The following SPOCK3 variants were observed in gnomAD, a reference collection of about 807,000 sequenced individuals.
The protein encoded by SPOCK3 is SPARC (osteonectin), cwcv and kazal like domains proteoglycan 3.
Under a neutral mutation model 56.6 loss-of-function variants are expected in SPOCK3, and 30 were observed. The observed-to-expected ratio is 0.53, with a 90% confidence interval of 0.40 to 0.72. SPOCK3 has a LOEUF of 0.72. Ranked by LOEUF, SPOCK3 falls within the 30% of genes least tolerant of loss-of-function variation. The pLI is 0.00. For synonymous variants in SPOCK3, 196 were observed against 183.3 expected, an observed-to-expected ratio of 1.07 and a Z score of -0.56; for missense variants, 527 against 530.0, an observed-to-expected ratio of 0.99 and a Z score of 0.06.
At chr4:166,958,374 T>A (rs1366071243) in intron 4 of SPOCK3, among the ~76,000 whole-genome samples, 2 of 152,136 alleles carry the variant, frequency 1.3e-5, no homozygotes, top group Non-Finnish European at 2.9e-5. Context: ...CCAATTAACC[T>A]TTTTTTCTTA....
chr4:167,061,767 A>T (rs944592299), intron 3 of SPOCK3, among the ~76,000 whole-genome samples: 7 of 151,870 alleles, frequency 4.6e-5, no homozygotes, highest in East Asian at 1.9e-4. Flanking sequence ...TAAAGAAGAA[A>T]TTTTTTTTCT....
In SPOCK3 at chr4:166,754,730, C is replaced by A; in HGVS notation, c.710-1G>T. On this transcript the variant is annotated splice_acceptor_variant, in intron 7 of 10. Transcript: ENST00000357545. LOFTEE classifies it high-confidence loss of function. ...ATTGGCAAGATGCTGGTATCGAATC[C>A]TAAAGGCAAAAAAAAGAAAATGATT... 6.2e-7 allele frequency: 1 copy of A among 1,609,078 alleles called. No homozygotes were observed. Among genetic ancestry groups the A allele is most frequent in the Non-Finnish European group, 8.5e-7 (1 of 1,178,120 alleles).
At chr4:167,076,173 G>A (rs1274772122) in intron 2 of SPOCK3, among the ~76,000 whole-genome samples, 1 of 151,822 alleles carries the variant, frequency 6.6e-6, no homozygotes, top group African/African-American at 2.4e-5. Context: ...AGAGCCCAGA[G>A]GATTTGGGGA....
Position 166,859,106 on chromosome 4 carries a change from A to T in SPOCK3, c.589+30024T>A, listed in dbSNP as rs542937777. Among the ~76,000 whole-genome samples, 13 of 152,298 alleles carry T rather than the reference A, an allele frequency of 8.5e-5. No individual in the cohort carries two copies. The South Asian group carries it at 2.7e-3, about 32-fold the overall frequency. Reference sequence around the variant, plus strand: ...TGTGTTACAATTGTCTACAGTATTCAGTGCAGTTACCATGCTGTACAAGTT... The same window carrying T: ...TGTGTTACAATTGTCTACAGTATTCTGTGCAGTTACCATGCTGTACAAGTT... On this transcript the variant is annotated intron_variant, in intron 6 of 10. Coordinates refer to ENST00000357545, the MANE Select transcript of SPOCK3 (RefSeq NM_001040159.2).
At chr4:167,229,743 C>T (rs963000289) in intron 2 of SPOCK3, among the ~76,000 whole-genome samples, 3 of 152,070 alleles carry the variant, frequency 2.0e-5, no homozygotes, top group Admixed American at 2.0e-4. Context: ...TTTACATTTT[C>T]TCAATATTCT....
intron 3 of SPOCK3, among the ~76,000 whole-genome samples, chr4:167,055,081 TATAA>T (rs1242884100): frequency 6.6e-6 from 1 of 152,162 alleles, no homozygotes; most frequent in Non-Finnish European, 1.5e-5. Context: ...GTTAAAACAA[TATAA>T]ATATCAGTAT....
chr4:167,174,692 A>G (rs1413507451), intron 2 of SPOCK3, among the ~76,000 whole-genome samples: 3 of 152,174 alleles, frequency 2.0e-5, no homozygotes, highest in African/African-American at 4.8e-5. Context: ...AAAGCAAACG[A>G]GAGGCCTTGA....
intron 2 of SPOCK3, among the ~76,000 whole-genome samples, chr4:167,118,614 C>T (rs1289155168): frequency 2.0e-5 from 3 of 152,152 alleles, no homozygotes; most frequent in Non-Finnish European, 4.4e-5. Context: ...TCCTTCTCAA[C>T]ACCAGCTGCC....
chr4:167,170,287 T>C (rs2150464342), intron 2 of SPOCK3, among the ~76,000 whole-genome samples: 1 of 152,266 alleles, frequency 6.6e-6, no homozygotes, highest in East Asian at 1.9e-4. Context: ...TTGAACTTTA[T>C]CTACTCTAAG....
intron 4 of SPOCK3, among the ~76,000 whole-genome samples, chr4:166,951,418 G>A (rs1320388775): frequency 1.4e-5 from 2 of 140,070 alleles, no homozygotes; most frequent in Non-Finnish European, 3.0e-5. Context: ...AATAACAGGA[G>A]CTGAAATTGA....
At chr4:167,105,127 GA>G (rs879844741) in intron 2 of SPOCK3, among the ~76,000 whole-genome samples, 57 of 149,790 alleles carry the variant, frequency 3.8e-4, no homozygotes, top group East Asian at 1.6e-3. Context: ...CAGTCAGAAG[GA>G]AAAAAAAATC....
chr4:167,144,390 A>C (rs2150404287), intron 2 of SPOCK3, among the ~76,000 whole-genome samples: 1 of 152,078 alleles, frequency 6.6e-6, no homozygotes, highest in African/African-American at 2.4e-5. Context: ...TCTTAAAATA[A>C]TTTCAAGTGC....
At chr4:166,813,844 T>C (rs890553217) in intron 6 of SPOCK3, among the ~76,000 whole-genome samples, 3 of 152,070 alleles carry the variant, frequency 2.0e-5, no homozygotes, top group African/African-American at 7.2e-5. Context: ...GATACTAATT[T>C]GTTATAACAT....
At chr4:166,924,748 G>C (rs1010427099) in intron 4 of SPOCK3, among the ~76,000 whole-genome samples, 1 of 152,162 alleles carries the variant, frequency 6.6e-6, no homozygotes, top group African/African-American at 2.4e-5. Context: ...GGACTCCCAT[G>C]GTTAAATTAA....
Position 167,062,510 on chromosome 4 carries a change from C to T in SPOCK3, c.217G>A (p.Gly73Arg), listed in dbSNP as rs868825991. The T allele has an allele frequency of 6.2e-7, 1 of 1,606,570 alleles. No homozygotes were observed. The stretch of plus-strand genomic sequence containing the variant: ...TTCTTACCCTGATCGAAGGGTTTTC[C>T]TGGACTCCAAGTGCGGAAATAATCA... ...DDDYFRTWSP[G>R]KPFDQALDPA... Residue 73 changes from glycine (G) to arginine (R), a missense_variant, in exon 3 of 11, where the codon GGA (glycine) becomes AGA (arginine). Physicochemically the swap from Gly to Arg is moderately radical, Grantham distance 125 (BLOSUM62 -2). Coordinates refer to ENST00000357545, the MANE Select transcript of SPOCK3 (RefSeq NM_001040159.2).
At chr4:166,990,602 T>A (rs1430415915) in intron 4 of SPOCK3, among the ~76,000 whole-genome samples, 3 of 152,100 alleles carry the variant, frequency 2.0e-5, no homozygotes, top group African/African-American at 7.2e-5. Flanking sequence ...CAGCCCTTAA[T>A]GTCCATTACC....
At position 167,100,988 on chromosome 4, in the gene SPOCK3, T is replaced by C. The variant is rs542576522; in HGVS notation, c.190-38451A>G. 1.5e-4 allele frequency among the ~76,000 whole-genome samples: 23 copies of C among 152,246 alleles called. 1 individual carries two copies. The South Asian group carries it at 2.1e-3, about 14-fold the overall frequency. ...ACCCCTATATATATCCTGGAACCCA[T>C]GCATGGTAATTCATTGAAACTCATG... On this transcript the variant is annotated intron_variant, in intron 2 of 10. Coordinates refer to ENST00000357545, the MANE Select transcript of SPOCK3 (RefSeq NM_001040159.2).
intron 8 of SPOCK3, among the ~76,000 whole-genome samples, chr4:166,745,815 CAAAA>C (rs1188555163): frequency 6.6e-6 from 1 of 151,486 alleles, no homozygotes; most frequent in Non-Finnish European, 1.5e-5. Context: ...AAATGTAAAA[CAAAA>C]AAAGCAGGGT....
At chr4:167,147,228 T>C (rs949256670) in intron 2 of SPOCK3, among the ~76,000 whole-genome samples, 1 of 152,172 alleles carries the variant, frequency 6.6e-6, no homozygotes, top group Non-Finnish European at 1.5e-5. Flanking sequence ...GATAAGTTCA[T>C]GGACACATAC....
Sources: allele counts gnomAD v4.1 joint callset (sites outside exome capture counted in the v4.1 genomes callset), GRCh38; gene constraint gnomAD v4.1.1; transcripts MANE v1.5; gene names NCBI Gene and HGNC (gene_info 2026-07-23, HGNC 2026-07-21).